Variants in CADPS observed in about 807,000 individuals in gnomAD.
CADPS encodes the protein calcium dependent secretion activator, also known as calcium-dependent secretion activator 1.
CADPS carries 57 observed loss-of-function variants against 167.3 expected under a neutral mutation model. The ratio of observed to expected loss-of-function variants is 0.34; its 90% CI spans 0.28 to 0.42. The LOEUF is 0.42. CADPS is among the 20% of genes least tolerant of loss of function. The probability of loss-of-function intolerance (pLI) is 1.00; values close to 1 mark genes in which losing one functional copy is unlikely to be tolerated. For synonymous variants in CADPS, 676 were observed against 635.3 expected (o/e 1.06, Z -0.96); for missense variants, 1,414 against 1,738.1 (o/e 0.81, Z 3.32).
At position 62,789,174 on chromosome 3, in the gene CADPS, A is replaced by G. The variant is rs73842266; in HGVS notation, c.442-23190T>C. 8.7e-3 allele frequency among the ~76,000 whole-genome samples: 1,320 copies of G among 152,310 alleles called. 20 individuals carry two copies. Among genetic ancestry groups the G allele is most frequent in the African/African-American group, 0.03 (1,229 of 41,574 alleles). Reference sequence around the variant, plus strand: ...TGGTGTTTATGAAGTTCTAGTATCAATGGCCACTATCTGAGCTAGAGTTGG... The same window carrying G: ...TGGTGTTTATGAAGTTCTAGTATCAGTGGCCACTATCTGAGCTAGAGTTGG... On this transcript the variant is annotated intron_variant, in intron 1 of 29. Transcript: ENST00000383710.
intron 21 of CADPS, among the ~76,000 whole-genome samples, chr3:62,484,865 G>C (rs1276349116): frequency 1.3e-5 from 2 of 152,162 alleles, no homozygotes; most frequent in Non-Finnish European, 2.9e-5. Context: ...CTACTTTTAT[G>C]AATCAGTTGT....
chr3:62,721,299 C>T (rs1362197490), intron 3 of CADPS, among the ~76,000 whole-genome samples: 1 of 151,932 alleles, frequency 6.6e-6, no homozygotes, highest in Non-Finnish European at 1.5e-5. Context: ...CGCCAGGACC[C>T]CTAACTGCAT....
At chr3:62,856,126 A>G (rs2079632374) in intron 1 of CADPS, among the ~76,000 whole-genome samples, 1 of 152,184 alleles carries the variant, frequency 6.6e-6, no homozygotes, top group African/African-American at 2.4e-5. Context: ...CATATACCTC[A>G]GCTGATAGGG....
chr3:62,688,965 T>G (rs2078589731), intron 3 of CADPS, among the ~76,000 whole-genome samples: 1 of 152,008 alleles, frequency 6.6e-6, no homozygotes, highest in South Asian at 2.1e-4. Flanking sequence ...TTTCTCCAGA[T>G]GAGTCCCAGA....
At chr3:62,591,059 T>C (rs1381997126) in intron 7 of CADPS, among the ~76,000 whole-genome samples, 1 of 152,098 alleles carries the variant, frequency 6.6e-6, no homozygotes, top group Non-Finnish European at 1.5e-5. Flanking sequence ...GGTTTCACCA[T>C]GTTGGCCAGG....
chr3:62,824,808 G>T (rs965607179), intron 1 of CADPS, among the ~76,000 whole-genome samples: 4 of 152,122 alleles, frequency 2.6e-5, no homozygotes, highest in Non-Finnish European at 5.9e-5. Context: ...CCTCTCTAAT[G>T]AGAGGTTCTT....
At chr3:62,873,538 A>AC (rs1282870466) in intron 1 of CADPS, among the ~76,000 whole-genome samples, 3 of 115,178 alleles carry the variant, frequency 2.6e-5, no homozygotes, top group Admixed American at 1.8e-4. Context: ...TTCTGTCCCC[A>AC]CCCCCCGCCA....
chr3:62,480,571 G>T (rs754310215), intron 22 of CADPS, among the ~76,000 whole-genome samples: 1 of 152,128 alleles, frequency 6.6e-6, no homozygotes, highest in Non-Finnish European at 1.5e-5. Context: ...CATTTTAATG[G>T]TCTGTCCTCC....
At chr3:62,480,000 T>C (rs903181324) in intron 22 of CADPS, among the ~76,000 whole-genome samples, 1 of 152,206 alleles carries the variant, frequency 6.6e-6, no homozygotes, top group East Asian at 1.9e-4. Flanking sequence ...AATTGGTATT[T>C]ATTACAACAA....
chr3:62,561,177 A>G (rs2079094517), intron 9 of CADPS, among the ~76,000 whole-genome samples: 1 of 151,274 alleles, frequency 6.6e-6, no homozygotes, highest in Non-Finnish European at 1.5e-5. Flanking sequence ...AAATATGTAG[A>G]TTCTTTAAGT....
At chr3:62,562,151 C>T (rs1397209587) in intron 9 of CADPS, among the ~76,000 whole-genome samples, 1 of 152,108 alleles carries the variant, frequency 6.6e-6, no homozygotes, top group African/African-American at 2.4e-5. Context: ...GCAAGGAATT[C>T]CTGAGGAAGC....
chr3:62,561,636 C>G (rs1326767119), intron 9 of CADPS, among the ~76,000 whole-genome samples: 1 of 152,074 alleles, frequency 6.6e-6, no homozygotes, highest in African/African-American at 2.4e-5. Context: ...TGTCCATAAC[C>G]TCTAAGATTG....
At chr3:62,752,910 T>A (rs963184000) in intron 3 of CADPS, among the ~76,000 whole-genome samples, 1 of 152,244 alleles carries the variant, frequency 6.6e-6, no homozygotes, top group Non-Finnish European at 1.5e-5. Flanking sequence ...CAAGCCCATT[T>A]TGGGGTGGAC....
At chr3:62,598,471 T>C (rs2059236972) in intron 6 of CADPS, among the ~76,000 whole-genome samples, 1 of 152,194 alleles carries the variant, frequency 6.6e-6, no homozygotes, top group African/African-American at 2.4e-5. Flanking sequence ...TCATGAAAAA[T>C]ATTCATTCTT....
intron 11 of CADPS, among the ~76,000 whole-genome samples, chr3:62,549,270 T>C (rs987729817): frequency 6.6e-6 from 1 of 152,108 alleles, no homozygotes; most frequent in Admixed American, 6.5e-5. Context: ...GAAGTATTGA[T>C]AGATAAAAGC....
chr3:62,520,411 T>C (rs2070208988), intron 13 of CADPS, among the ~76,000 whole-genome samples: 1 of 152,214 alleles, frequency 6.6e-6, no homozygotes, highest in Admixed American at 6.6e-5. Context: ...GATTCCCATT[T>C]GTAATTATTA....
chr3:62,692,546 T>C (rs913453499), intron 3 of CADPS, among the ~76,000 whole-genome samples: 2 of 152,158 alleles, frequency 1.3e-5, no homozygotes, highest in Non-Finnish European at 2.9e-5. Context: ...ATTCCAGTCT[T>C]TTGGAAATCC....
intron 1 of CADPS, among the ~76,000 whole-genome samples, chr3:62,768,017 C>T (rs2087390183): frequency 6.6e-6 from 1 of 152,120 alleles, no homozygotes; most frequent in Non-Finnish European, 1.5e-5. Context: ...TGGCTAGTGG[C>T]TATTGCACTG....
In CADPS at chr3:62,478,637, A is replaced by G. The variant is rs2061606907; in HGVS notation, c.3174-221T>C. On this transcript the variant is annotated intron_variant, in intron 22 of 29. Coordinates refer to ENST00000383710, the MANE Select transcript of CADPS (RefSeq NM_003716.4). This position sits in a 1 kb window ranked among gnomAD's most constrained non-coding sequence, Gnocchi z 5.7. ...CTCAGCCAATTACCCCAGACCAGTG[A>G]GAAGTCTGGGGAAGGTGTTGCCCCA... Among the ~76,000 whole-genome samples, 1 of 152,196 alleles carries G rather than the reference A, an allele frequency of 6.6e-6. No homozygotes were observed. The highest frequency in any genetic ancestry group is 1.5e-5 in the Non-Finnish European group (1 of 68,040).
Sources: gnomAD v4.1 joint callset for allele counts (sites outside exome capture counted in the v4.1 genomes callset) on GRCh38, gnomAD v4.1.1 for gene constraint, Gnocchi (gnomAD v3.1) non-coding constraint, MANE v1.5 for transcripts, NCBI Gene and HGNC (gene_info 2026-07-23, HGNC 2026-07-21) for gene names.